Variants in COTL1 observed in about 807,000 individuals in gnomAD.
COTL1 encodes the protein coactosin like F-actin binding protein 1, also known as coactosin-like protein.
COTL1 carries 15 observed loss-of-function variants against 16.5 expected under a neutral mutation model. That is an observed-to-expected ratio of 0.91 (90% CI 0.61 to 1.40). The LOEUF (loss-of-function observed/expected upper bound fraction) is 1.40, where lower values mean the gene tolerates loss of function less well. Ranked by LOEUF, COTL1 falls within the 40% of genes most tolerant of loss-of-function variation. The pLI, the probability that COTL1 is intolerant of heterozygous loss-of-function variation, is 0.00. For synonymous variants in COTL1, 112 were observed against 85.3 expected (o/e 1.31, Z -1.73); for missense variants, 220 against 201.5 (o/e 1.09, Z -0.56).
chr16:84,614,275 G>C (rs901840949), intron 2 of COTL1, among the ~76,000 whole-genome samples: 2 of 152,234 alleles, frequency 1.3e-5, no homozygotes, highest in African/African-American at 2.4e-5. Context: ...AGCGAGGAAG[G>C]CCGGGAGCCA....
At chr16:84,568,471 G>C (rs183217088) in intron 3 of COTL1, 66 of 152,362 alleles carry the variant, frequency 4.3e-4, no homozygotes, top group African/African-American at 1.6e-3. Flanking sequence ...CAGCCACAGA[G>C]AGGAATGAAG....
At chr16:84,610,645 C>T (rs951058059) in intron 2 of COTL1, among the ~76,000 whole-genome samples, 3 of 152,096 alleles carry the variant, frequency 2.0e-5, no homozygotes, top group African/African-American at 7.2e-5. Context: ...GGGTTATGTG[C>T]ACTCTCACAG....
chr16:84,593,386 G>A (rs565303023), intron 2 of COTL1, among the ~76,000 whole-genome samples: 1 of 152,334 alleles, frequency 6.6e-6, no homozygotes, highest in South Asian at 2.1e-4. Flanking sequence ...AGGGGTGAGG[G>A]CCCCACCTCC....
At chr16:84,574,492 T>C (rs1426798436) in intron 3 of COTL1, among the ~76,000 whole-genome samples, 1 of 152,202 alleles carries the variant, frequency 6.6e-6, no homozygotes, top group African/African-American at 2.4e-5. Context: ...AGGATTTTCT[T>C]CCAAGGGCCT....
chr16:84,593,891 C>T (rs939354822), intron 2 of COTL1, among the ~76,000 whole-genome samples: 2 of 152,208 alleles, frequency 1.3e-5, no homozygotes, highest in Admixed American at 6.5e-5. Context: ...ACCACTCCAA[C>T]GAGAACTCCC....
At chr16:84,614,387 G>T (rs528256414) in intron 2 of COTL1, among the ~76,000 whole-genome samples, 1 of 152,018 alleles carries the variant, frequency 6.6e-6, no homozygotes, top group East Asian at 1.9e-4. Flanking sequence ...CAGACACCCC[G>T]TGGCCCTCTG....
At chr16:84,608,482 C>A (rs1238032992) in intron 2 of COTL1, among the ~76,000 whole-genome samples, 4 of 152,186 alleles carry the variant, frequency 2.6e-5, no homozygotes, top group African/African-American at 9.7e-5. Flanking sequence ...TGTGGACACA[C>A]AAAAAAGCTA....
intron 2 of COTL1, among the ~76,000 whole-genome samples, chr16:84,611,923 G>C (rs1905337510): frequency 6.6e-6 from 1 of 151,958 alleles, no homozygotes; most frequent in Admixed American, 6.6e-5. Flanking sequence ...TCTGGCAAAT[G>C]GCCCCTTTCC....
chr16:84,606,542 T>C (rs1267423334), intron 2 of COTL1, among the ~76,000 whole-genome samples: 1 of 152,226 alleles, frequency 6.6e-6, no homozygotes, highest in African/African-American at 2.4e-5. Context: ...GTGGCTATGA[T>C]CTTAGGCACT....
At position 84,587,060 on chromosome 16, in the gene COTL1, G is replaced by C. The variant is rs1373400326; in HGVS notation, c.318+3045C>G. ...GGCGGAATTCAGCAGGAGACCTTTG[G>C]CCACAGAACAGGACTTCTTTTTCAT... On this transcript the variant is annotated intron_variant, in intron 3 of 3. Coordinates refer to ENST00000262428, the MANE Select transcript of COTL1 (RefSeq NM_021149.5). Among the ~76,000 whole-genome samples the C allele has an allele frequency of 2.0e-5, 3 of 152,158 alleles. 1 individual carries two copies. Among genetic ancestry groups the C allele is most frequent in the Non-Finnish European group, 4.4e-5 (3 of 68,048 alleles).
At chr16:84,609,218 G>A (rs1282429989) in intron 2 of COTL1, among the ~76,000 whole-genome samples, 2 of 152,180 alleles carry the variant, frequency 1.3e-5, no homozygotes, top group Admixed American at 6.5e-5. Context: ...TGCCATATAC[G>A]CAGAGGTCAT....
At chr16:84,579,077 A>G (rs1444062068) in intron 3 of COTL1, among the ~76,000 whole-genome samples, 1 of 151,878 alleles carries the variant, frequency 6.6e-6, no homozygotes, top group East Asian at 1.9e-4. Context: ...GCACACACAC[A>G]TCCACTCCCA....
At position 84,613,922 on chromosome 16, in the gene COTL1, C is replaced by T. The variant is rs1905399647; in HGVS notation, c.160+3579G>A. 3.9e-5 allele frequency among the ~76,000 whole-genome samples: 6 copies of T among 152,132 alleles called. 1 individual carries two copies. In the South Asian group the frequency reaches 1.2e-3, roughly 32 times the overall value. On this transcript the variant is annotated intron_variant, in intron 2 of 3. Transcript: ENST00000262428. The stretch of plus-strand genomic sequence containing the variant: ...AGGGATGGGCACATGACCTCAGGGC[C>T]AAAGACAGTCCAGGGACCCCCAAAA...
At chr16:84,586,973 C>A (rs568858474) in intron 3 of COTL1, among the ~76,000 whole-genome samples, 2 of 152,154 alleles carry the variant, frequency 1.3e-5, no homozygotes, top group African/African-American at 2.4e-5. Context: ...CACATCCTGG[C>A]GAGCCCCCTC....
intron 2 of COTL1, among the ~76,000 whole-genome samples, chr16:84,594,173 T>A (rs2914835): frequency 0.21 from 32,113 of 150,020 alleles, 3,929 homozygotes; most frequent in Non-Finnish European, 0.28. Context: ...TATCAGTGCA[T>A]CAGTTGATAG....
At chr16:84,587,922 C>A (rs1316654682) in intron 3 of COTL1, among the ~76,000 whole-genome samples, 2 of 152,046 alleles carry the variant, frequency 1.3e-5, no homozygotes, top group African/African-American at 4.8e-5. Flanking sequence ...CAGGTGCCCA[C>A]CACCACACCC....
chr16:84,581,454 G>A (rs1389594587), intron 3 of COTL1, among the ~76,000 whole-genome samples: 5 of 152,158 alleles, frequency 3.3e-5, no homozygotes, highest in Admixed American at 2.0e-4. Flanking sequence ...ATGGAGGGTT[G>A]TAGGTTCTCC....
At chr16:84,609,057 C>G (rs1905268000) in intron 2 of COTL1, among the ~76,000 whole-genome samples, 1 of 152,204 alleles carries the variant, frequency 6.6e-6, no homozygotes, top group African/African-American at 2.4e-5. Context: ...TTTGATGTCA[C>G]ATTCCCTTAG....
intron 3 of COTL1, among the ~76,000 whole-genome samples, chr16:84,580,216 G>C (rs1277383857): frequency 1.3e-5 from 2 of 152,210 alleles, no homozygotes; most frequent in Non-Finnish European, 2.9e-5. Flanking sequence ...CTAGGGTGCA[G>C]GGATCTCCTT....
Sources: allele counts gnomAD v4.1 joint callset (sites outside exome capture counted in the v4.1 genomes callset), GRCh38; gene constraint gnomAD v4.1.1; transcripts MANE v1.5; gene names NCBI Gene and HGNC (gene_info 2026-07-23, HGNC 2026-07-21).